The following GALNT14 variants were observed in gnomAD, a reference collection of about 807,000 sequenced individuals.
GALNT14 encodes the protein polypeptide N-acetylgalactosaminyltransferase 14, also known as UDP-GalNAc:polypeptide N-acetylgalactosaminyltransferase 14.
GALNT14 carries 60 observed loss-of-function variants against 77.5 expected under a neutral mutation model. The ratio of observed to expected loss-of-function variants is 0.77; its 90% CI spans 0.63 to 0.96. The LOEUF (loss-of-function observed/expected upper bound fraction) is 0.96, where lower values mean the gene tolerates loss of function less well. Among genes scored for constraint, GALNT14 ranks in the 40% least tolerant of loss-of-function variants. The pLI is 0.00. For missense variants in GALNT14, 710 were observed against 731.0 expected (o/e 0.97, Z 0.33); for synonymous variants, 280 against 281.7 (o/e 0.99, Z 0.06).
At chr2:30,944,703 A>G (rs1666579141) in intron 8 of GALNT14, among the ~76,000 whole-genome samples, 155 bp downstream of exon 8, 1 of 152,130 alleles carries the variant, frequency 6.6e-6, no homozygotes, top group Non-Finnish European at 1.5e-5. Flanking sequence ...AGAGGATAGA[A>G]ACCTCCTAAA....
chr2:30,910,941 G>T lies in GALNT14; in HGVS notation c.1619C>A (p.Ser540Tyr). The T allele has an allele frequency of 6.2e-7, 1 of 1,613,682 alleles. No homozygotes were observed. The highest frequency in any genetic ancestry group is 8.5e-7 in the Non-Finnish European group (1 of 1,179,950). Reference sequence around the variant, plus strand: ...GTCCCAGTGCTGGCTCATGAGTGAGGACTCACATGGGTTGACGACGATTTC... The same window carrying T: ...GTCCCAGTGCTGGCTCATGAGTGAGTACTCACATGGGTTGACGACGATTTC... ...GKEIVVNPCE[S>Y]SLMSQHWDMV... The change falls in exon 15 of 15, where the codon TCC becomes TAC. Residue 540 changes from serine (S) to tyrosine (Y), a missense_variant. Physicochemically the swap from Ser to Tyr is moderately radical, Grantham distance 144. Transcript: ENST00000349752.
At chr2:31,118,882 G>A (rs1455994417) in intron 1 of GALNT14, among the ~76,000 whole-genome samples, 1 of 152,106 alleles carries the variant, frequency 6.6e-6, no homozygotes, top group Non-Finnish European at 1.5e-5. Context: ...AAAAGACAAA[G>A]AGGTCCATGG....
the GALNT14 span, among the ~76,000 whole-genome samples, chr2:30,905,192 C>T: frequency 1.3e-5 from 2 of 152,184 alleles, no homozygotes; most frequent in Admixed American, 6.5e-5. Context: ...TCACCAGCAA[C>T]AGAACAAAGC....
rs145075552 is a variant in GALNT14, at chr2:30,983,291, G to A, written c.299+9547C>T. Among the ~76,000 whole-genome samples the A allele has an allele frequency of 8.0e-3, 1,214 of 152,082 alleles. 11 individuals are homozygous for A. The highest frequency in any genetic ancestry group is 0.028 in the African/African-American group (1,141 of 41,482). ...TTCACTGGGGGCATTCAAGTTCCAT[G>A]AGGGCACACTTTCAGTCTGTTTTTT... On this transcript the variant is annotated intron_variant, in intron 2 of 14. Coordinates refer to ENST00000349752, the MANE Select transcript of GALNT14 (RefSeq NM_024572.4).
chr2:30,982,730 C>A (rs1669062607), intron 2 of GALNT14, among the ~76,000 whole-genome samples: 1 of 152,226 alleles, frequency 6.6e-6, no homozygotes, highest in Non-Finnish European at 1.5e-5. Context: ...GATGCAGGAA[C>A]ATAGGTGTGT....
intron 1 of GALNT14, among the ~76,000 whole-genome samples, chr2:31,089,538 T>A (rs1258923547): frequency 6.6e-6 from 1 of 152,098 alleles, no homozygotes; most frequent in East Asian, 1.9e-4. Context: ...TTGGATTTAT[T>A]TTTTTTTCTC....
In GALNT14 at chr2:31,113,036, T is replaced by A. The variant is rs147180155; in HGVS notation, c.129+24922A>T. Among the ~76,000 whole-genome samples the A allele has an allele frequency of 3.7e-4, 57 of 152,304 alleles. 1 individual carries two copies. In the East Asian group the frequency reaches 0.01, roughly 27 times the overall value. On this transcript the variant is annotated intron_variant, in intron 1 of 14. Coordinates refer to ENST00000349752, the MANE Select transcript of GALNT14 (RefSeq NM_024572.4). ...TCAAACTAACACTGAAACCCCTCTCTTAGACTGTGGCAGGATAGAGAAGTA... is the reference window on the plus strand; with the variant it reads ...TCAAACTAACACTGAAACCCCTCTCATAGACTGTGGCAGGATAGAGAAGTA...
At chr2:31,003,204 T>C (rs1044266965) in intron 1 of GALNT14, among the ~76,000 whole-genome samples, 3 of 152,172 alleles carry the variant, frequency 2.0e-5, no homozygotes, top group Admixed American at 6.5e-5. Context: ...AATTAAGCAA[T>C]TGCTCCTTCA....
chr2:31,035,561 GTGTGTGTA>G (rs1387398242), intron 1 of GALNT14, among the ~76,000 whole-genome samples: 117 of 137,834 alleles, frequency 8.5e-4, no homozygotes, highest in African/African-American at 3.1e-3. Context: ...AAATGTGTGT[GTGTGTGTA>G]TGTGTGTGTG....
At chr2:30,975,936 A>C (rs1459387367) in intron 2 of GALNT14, among the ~76,000 whole-genome samples, 1 of 152,226 alleles carries the variant, frequency 6.6e-6, no homozygotes, top group Non-Finnish European at 1.5e-5. Context: ...ACAACTCTTT[A>C]AATTGTAAAA....
At chr2:31,000,668 T>C (rs934486138) in intron 1 of GALNT14, among the ~76,000 whole-genome samples, 1 of 152,190 alleles carries the variant, frequency 6.6e-6, no homozygotes, top group Admixed American at 6.5e-5. Context: ...TTTGTTCTTT[T>C]AAGACCTTCA....
chr2:30,977,844 A>C (rs1668730987), intron 2 of GALNT14, among the ~76,000 whole-genome samples: 1 of 151,352 alleles, frequency 6.6e-6, no homozygotes, highest in Non-Finnish European at 1.5e-5. Flanking sequence ...CTGCACTCAA[A>C]TCTGCCTCTT....
At chr2:31,071,157 C>T (rs1478119966) in intron 1 of GALNT14, among the ~76,000 whole-genome samples, 2 of 152,272 alleles carry the variant, frequency 1.3e-5, no homozygotes, top group East Asian at 1.9e-4. Flanking sequence ...GTGTGTACTG[C>T]TTGGGTGATG....
At chr2:31,040,769 G>C (rs1048786229) in intron 1 of GALNT14, among the ~76,000 whole-genome samples, 2 of 152,180 alleles carry the variant, frequency 1.3e-5, no homozygotes, top group Admixed American at 6.5e-5. Context: ...CCCTGCAGGT[G>C]GAAGCTTGGC....
At position 30,910,969 on chromosome 2, in the gene GALNT14, T is replaced by C. The variant is rs767480097; in HGVS notation, c.1591A>G (p.Lys531Glu). 3.1e-6 allele frequency: 5 copies of C among 1,613,900 alleles called. No homozygotes were observed. In the Admixed American group the frequency reaches 8.3e-5, roughly 27 times the overall value. The change falls in exon 15 of 15, where the codon AAG becomes GAG. Residue 531 changes from lysine to glutamate, a missense_variant. Transcript: ENST00000349752. ...TCACATGGGTTGACGACGATTTCCTTGCCGTTCTCGGTGCCATCACCGAAC... is the reference window on the plus strand; with the variant it reads ...TCACATGGGTTGACGACGATTTCCTCGCCGTTCTCGGTGCCATCACCGAAC... Reference protein sequence around the residue: ...DMFGDGTENGKEIVVNPCESS... With the variant: ...DMFGDGTENGEEIVVNPCESS...
At chr2:30,964,892 C>T (rs72855223) in intron 3 of GALNT14, among the ~76,000 whole-genome samples, 2,801 of 152,244 alleles carry the variant, frequency 0.018, 37 homozygotes, top group East Asian at 0.055. Flanking sequence ...CATGCGGCGG[C>T]GGGAGAGACA....
chr2:30,952,397 T>C (rs1158318633), intron 6 of GALNT14, among the ~76,000 whole-genome samples: 1 of 151,524 alleles, frequency 6.6e-6, no homozygotes, highest in African/African-American at 2.4e-5. Context: ...TAAGAAAATG[T>C]GGCACATATA....
chr2:31,129,310 A>T (rs13412639), intron 1 of GALNT14: 265,914 of 874,112 alleles, frequency 0.3, 42,521 homozygotes, highest in African/African-American at 0.52. Context: ...AAATGAGGCA[A>T]CTGTGGATAT....
At chr2:30,932,872 T>C (rs1665825883) in intron 9 of GALNT14, among the ~76,000 whole-genome samples, 1 of 152,172 alleles carries the variant, frequency 6.6e-6, no homozygotes, top group Non-Finnish European at 1.5e-5. Context: ...CTGAAAGCAG[T>C]TCTAGAAAAT....
Sources: allele counts gnomAD v4.1 joint callset (sites outside exome capture counted in the v4.1 genomes callset), GRCh38; gene constraint gnomAD v4.1.1; transcripts MANE v1.5; gene names NCBI Gene and HGNC (gene_info 2026-07-23, HGNC 2026-07-21).